BEND6: variants seen among roughly 807,000 people sequenced by gnomAD.
BEND6 encodes the protein BEN domain containing 6.
Under a neutral mutation model 31.8 loss-of-function variants are expected in BEND6, and 24 were observed. The observed-to-expected ratio is 0.75, with a 90% CI of 0.55 to 1.06. The LOEUF (loss-of-function observed/expected upper bound fraction) is 1.06. Among genes scored for constraint, BEND6 ranks in the 50% least tolerant of loss-of-function variants. The probability of loss-of-function intolerance (pLI) is 0.00; values close to 1 mark genes in which losing one functional copy is unlikely to be tolerated. For synonymous variants in BEND6, 109 were observed against 114.6 expected (o/e 0.95, Z 0.31); for missense variants, 294 against 327.4 (o/e 0.90, Z 0.79).
intron 2 of BEND6, among the ~76,000 whole-genome samples, chr6:56,987,226 C>T (rs1194519063): frequency 6.6e-6 from 1 of 152,044 alleles, no homozygotes; most frequent in Admixed American, 6.6e-5. Flanking sequence ...CTGATCTGCC[C>T]ACCTCCGCCT....
intron 1 of BEND6, among the ~76,000 whole-genome samples, chr6:56,976,313 A>G (rs1825873866): frequency 6.7e-6 from 1 of 149,172 alleles, no homozygotes; most frequent in Non-Finnish European, 1.5e-5. Context: ...CTCCTTCCTC[A>G]GCCTCCCGAG....
chr6:56,996,565 A>G lies in BEND6; in HGVS notation c.298+4010A>G, dbSNP rs560033371. ...CTCATTGTCTAACTGCATGCTTAAC[A>G]TGACTGATAGGCTAACATGTTTCAA... On this transcript the variant is annotated intron_variant, in intron 3 of 6. Transcript: ENST00000370746. Among the ~76,000 whole-genome samples, 3 of 152,282 alleles carry G rather than the reference A, an allele frequency of 2.0e-5. No homozygotes were observed. In the South Asian group the frequency reaches 6.2e-4, roughly 32 times the overall value.
intron 1 of BEND6, among the ~76,000 whole-genome samples, chr6:56,976,620 AG>A (rs1210412367): frequency 1.3e-5 from 2 of 152,114 alleles, no homozygotes; most frequent in Non-Finnish European, 2.9e-5. Flanking sequence ...GCTGGAGTGC[AG>A]TGGCTCAATC....
intron 1 of BEND6, among the ~76,000 whole-genome samples, chr6:56,960,041 T>C (rs1214683534): frequency 6.6e-6 from 1 of 152,234 alleles, no homozygotes; most frequent in African/African-American, 2.4e-5. Flanking sequence ...TACTATATAA[T>C]GCTTTGCAGA....
At chr6:56,965,830 G>C (rs1293673953) in intron 1 of BEND6, among the ~76,000 whole-genome samples, 1 of 151,776 alleles carries the variant, frequency 6.6e-6, no homozygotes, top group East Asian at 1.9e-4. Context: ...CATAAGCATT[G>C]ATTCTTGGAT....
chr6:57,018,475 T>C lies in BEND6; in HGVS notation c.767T>C (p.Ile256Thr), dbSNP rs1486062097. 6.3e-7 allele frequency: 1 copy of C among 1,592,132 alleles called. No individual in the cohort carries two copies. Among genetic ancestry groups the C allele is most frequent in the Admixed American group, 1.8e-5 (1 of 54,704 alleles). The change falls in exon 6 of 7, where the codon ATA (isoleucine) becomes ACA (threonine). Residue 256 changes from isoleucine to threonine, a missense_variant. Coordinates refer to ENST00000370746, the MANE Select transcript of BEND6 (RefSeq NM_152731.3). ...NTDDVSIRRM[I>T]GQKLNNCTKK... is the part of the protein sequence containing the mutation. ...GATGATGTTTCAATTAGGAGAATGA[T>C]AGGGCAAAAGCTAAACAACTGTACC... is the stretch of plus-strand genomic sequence containing the variant.
At chr6:56,986,726 G>A (rs1174644539) in intron 2 of BEND6, among the ~76,000 whole-genome samples, 1 of 152,114 alleles carries the variant, frequency 6.6e-6, no homozygotes, top group Non-Finnish European at 1.5e-5. Flanking sequence ...AGTGAACCAA[G>A]TTTTTCGAAG....
At chr6:56,992,949 A>G (rs1358196911) in intron 3 of BEND6, among the ~76,000 whole-genome samples, 1 of 152,222 alleles carries the variant, frequency 6.6e-6, no homozygotes, top group African/African-American at 2.4e-5. Context: ...AAATCTCTAG[A>G]AAATGGAGCT....
chr6:57,015,014 A>G (rs78910641), intron 3 of BEND6, 119 bp from the exon 4 acceptor site: 2 of 716,468 alleles, frequency 2.8e-6, no homozygotes, highest in East Asian at 2.9e-5. Flanking sequence ...TTTTCCAAAG[A>G]TAGCAAATGT....
At chr6:56,994,085 C>G (rs1396130607) in intron 3 of BEND6, among the ~76,000 whole-genome samples, 1 of 152,070 alleles carries the variant, frequency 6.6e-6, no homozygotes, top group Non-Finnish European at 1.5e-5. Context: ...ATACATAATA[C>G]CCATTTTTAT....
intron 3 of BEND6, among the ~76,000 whole-genome samples, chr6:56,996,900 A>G (rs1424667439): frequency 1.3e-5 from 2 of 152,126 alleles, no homozygotes; most frequent in Non-Finnish European, 1.5e-5. Flanking sequence ...TCTTGTTCCT[A>G]TGAGGTCTAT....
intron 6 of BEND6, among the ~76,000 whole-genome samples, chr6:57,022,164 CTTT>C (rs57185788): frequency 0.017 from 1,849 of 111,124 alleles, 41 homozygotes; most frequent in African/African-American, 0.056. Flanking sequence ...TTTTCTTTTT[CTTT>C]TTTTTTTTTT....
At chr6:57,017,159 C>T in intron 4 of BEND6, 48 bp from the exon 5 acceptor site, 2 of 1,411,794 alleles carry the variant, frequency 1.4e-6, no homozygotes, top group East Asian at 2.6e-5. Context: ...CATATTTCTC[C>T]ATACAGCACT....
intron 1 of BEND6, among the ~76,000 whole-genome samples, chr6:56,968,147 T>C (rs1248130118): frequency 6.6e-6 from 1 of 152,140 alleles, no homozygotes; most frequent in Non-Finnish European, 1.5e-5. Flanking sequence ...ACACATGATA[T>C]CACTGCTTAT....
At chr6:57,008,033 G>A (rs1827222164) in intron 3 of BEND6, 1 of 633,260 alleles carries the variant, frequency 1.6e-6, no homozygotes, top group African/African-American at 1.8e-5. Context: ...GTATAGCATT[G>A]GCCTAAGTCT....
chr6:56,983,820 C>A (rs79076663), intron 2 of BEND6, among the ~76,000 whole-genome samples: 1 of 152,084 alleles, frequency 6.6e-6, no homozygotes, highest in African/African-American at 2.4e-5. Flanking sequence ...TGCATAGCAC[C>A]GTGTTTTATT....
At chr6:56,969,326 A>G (rs1460615607) in intron 1 of BEND6, among the ~76,000 whole-genome samples, 1 of 152,170 alleles carries the variant, frequency 6.6e-6, no homozygotes, top group East Asian at 1.9e-4. Context: ...AATAAATAAT[A>G]TAGGCATCTC....
intron 2 of BEND6, among the ~76,000 whole-genome samples, chr6:56,984,800 C>G (rs1427221554): frequency 6.6e-6 from 1 of 152,068 alleles, no homozygotes; most frequent in Non-Finnish European, 1.5e-5. Context: ...AAGGAAACAC[C>G]CTGCATCTGA....
chr6:57,014,955 T>C (rs765421469), intron 3 of BEND6, among the ~76,000 whole-genome samples, 178 bp from the exon 4 acceptor site: 1 of 152,226 alleles, frequency 6.6e-6, no homozygotes, highest in Non-Finnish European at 1.5e-5. Context: ...TACTAAATTA[T>C]TTAATAATAA....
Sources: gnomAD v4.1 joint callset for allele counts (sites outside exome capture counted in the v4.1 genomes callset) on GRCh38, gnomAD v4.1.1 for gene constraint, MANE v1.5 for transcripts, NCBI Gene and HGNC (gene_info 2026-07-23, HGNC 2026-07-21) for gene names.